The following NHLRC2 variants were observed in gnomAD, a reference collection of about 807,000 sequenced individuals.
The protein encoded by NHLRC2 is NHL repeat containing 2.
Under a neutral mutation model 68.1 loss-of-function variants are expected in NHLRC2, and 33 were observed. That is an observed-to-expected ratio of 0.48 (90% confidence interval 0.37 to 0.65). NHLRC2 has a LOEUF of 0.65. Ranked by LOEUF, NHLRC2 falls within the 30% of genes least tolerant of loss-of-function variation. The pLI, the probability that NHLRC2 is intolerant of heterozygous loss-of-function variation, is 0.00. For synonymous variants in NHLRC2, 311 were observed against 309.6 expected (o/e 1.00, Z -0.05); for missense variants, 761 against 853.8 (o/e 0.89, Z 1.35).
intron 5 of NHLRC2, among the ~76,000 whole-genome samples, chr10:113,893,382 T>G (rs1461471117): frequency 6.6e-6 from 1 of 152,220 alleles, no homozygotes; most frequent in Non-Finnish European, 1.5e-5. Flanking sequence ...TTTCCAAGTT[T>G]AGCTGGGTGA....
chr10:113,902,286 G>T (rs886863575), intron 7 of NHLRC2, among the ~76,000 whole-genome samples, 185 bp from the exon 8 acceptor site: 1 of 152,222 alleles, frequency 6.6e-6, no homozygotes, highest in Middle Eastern at 3.4e-3. Context: ...ATTAATACAG[G>T]TTCAAAATAC....
intron 2 of NHLRC2, among the ~76,000 whole-genome samples, chr10:113,860,915 G>A (rs1267620676): frequency 2.0e-5 from 3 of 152,236 alleles, no homozygotes; most frequent in East Asian, 3.9e-4. Context: ...ATGATGATTC[G>A]ACTTAAAATA....
intron 1 of NHLRC2, among the ~76,000 whole-genome samples, chr10:113,855,354 T>A (rs1178409092): frequency 6.6e-6 from 1 of 152,242 alleles, no homozygotes; most frequent in East Asian, 1.9e-4. Context: ...GTGGCAATGA[T>A]TGCAACGTCC....
chr10:113,877,927 AGTGTC>A, intron 3 of NHLRC2, among the ~76,000 whole-genome samples: 1 of 152,292 alleles, frequency 6.6e-6, no homozygotes, highest in Non-Finnish European at 1.5e-5. Flanking sequence ...TTACTCAAAA[AGTGTC>A]TTTTGTAGCA....
At chr10:113,903,449 G>T in intron 8 of NHLRC2, 78 bp from the exon 9 acceptor site, 2 of 842,324 alleles carry the variant, frequency 2.4e-6, no homozygotes, top group Non-Finnish European at 4.0e-6. Flanking sequence ...AAATTAGCTT[G>T]CTTGATACCA....
At chr10:113,907,937 T>G (rs1018894041) in intron 10 of NHLRC2, among the ~76,000 whole-genome samples, 1 of 152,202 alleles carries the variant, frequency 6.6e-6, no homozygotes, top group Non-Finnish European at 1.5e-5. Flanking sequence ...GTATGTTTAT[T>G]TCTAAAATTT....
Position 113,893,453 on chromosome 10 carries a change from A to G in NHLRC2, c.1040-4657A>G, listed in dbSNP as rs76490834. Among the ~76,000 whole-genome samples, 419 of 152,316 alleles carry G rather than the reference A, an allele frequency of 2.8e-3. 3 individuals carry two copies. Among genetic ancestry groups the G allele is most frequent in the African/African-American group, 9.7e-3 (402 of 41,558 alleles). On this transcript the variant is annotated intron_variant, in intron 5 of 10. Coordinates refer to ENST00000369301, the MANE Select transcript of NHLRC2 (RefSeq NM_198514.4). Reference sequence around the variant, plus strand: ...TTTTTATAAAATGAAGATGATGATAATAAGACTTGTTAAGGTTGTTAAATT... The same window carrying G: ...TTTTTATAAAATGAAGATGATGATAGTAAGACTTGTTAAGGTTGTTAAATT...
chr10:113,877,400 A>C (rs1330832419), intron 3 of NHLRC2, among the ~76,000 whole-genome samples: 1 of 152,144 alleles, frequency 6.6e-6, no homozygotes. Context: ...CATGAACTTG[A>C]GATGTAGTTT....
At chr10:113,861,775 T>C (rs1845818421) in intron 2 of NHLRC2, among the ~76,000 whole-genome samples, 1 of 152,232 alleles carries the variant, frequency 6.6e-6, no homozygotes, top group Non-Finnish European at 1.5e-5. Context: ...GTAACATTGG[T>C]ATTTAACTCC....
chr10:113,900,383 G>A (rs1189443236), intron 6 of NHLRC2, among the ~76,000 whole-genome samples: 1 of 152,148 alleles, frequency 6.6e-6, no homozygotes, highest in Non-Finnish European at 1.5e-5. Flanking sequence ...AACAGAAGTT[G>A]CCAGAATATG....
At chr10:113,856,932 C>T (rs114902047) in intron 1 of NHLRC2, among the ~76,000 whole-genome samples, 1 of 152,126 alleles carries the variant, frequency 6.6e-6, no homozygotes, top group Non-Finnish European at 1.5e-5. Context: ...TCACAGAGAC[C>T]TGGAATTAGA....
rs1424285171 is a variant in NHLRC2 at position 113,883,741 on chromosome 10, T to C, written c.910-510T>C. On this transcript the variant is annotated intron_variant, in intron 4 of 10. Transcript: ENST00000369301. ...ACTAACTGTGGGACATTGAAAAAGT[T>C]ACTTAATGATCTGTGTTTTAGTTTT... is the stretch of plus-strand genomic sequence containing the variant. Among the ~76,000 whole-genome samples the C allele has an allele frequency of 5.3e-5, 8 of 152,098 alleles. No individual in the cohort carries two copies. The East Asian group carries it at 1.5e-3, about 29-fold the overall frequency.
At chr10:113,865,289 C>CCA (rs1845855824) in intron 2 of NHLRC2, among the ~76,000 whole-genome samples, 1 of 139,846 alleles carries the variant, frequency 7.2e-6, no homozygotes, top group African/African-American at 2.6e-5. Flanking sequence ...CATCCCCCCC[C>CCA]CCCGTTCCTC....
At chr10:113,885,144 G>A (rs536200156) in intron 5 of NHLRC2, among the ~76,000 whole-genome samples, 2 of 151,912 alleles carry the variant, frequency 1.3e-5, no homozygotes, top group East Asian at 3.9e-4. Flanking sequence ...CAGCTTAGTT[G>A]AAAAGCTTTA....
In NHLRC2 at chr10:113,854,694, T is replaced by C; in HGVS notation, c.-179T>C. 1.7e-6 allele frequency: 1 copy of C among 573,902 alleles called. No individual in the cohort carries two copies. The highest frequency in any genetic ancestry group is 3.0e-6 in the Non-Finnish European group (1 of 329,110). The allele number at this position is 573,902 out of a possible 1,614,324, so 35.6% of individuals were successfully genotyped here. A position where few individuals can be genotyped will look rare whatever the true frequency, so the allele number is the denominator to read the frequency against. On this transcript the variant is annotated 5_prime_UTR_variant, in exon 1 of 11. Coordinates refer to ENST00000369301, the MANE Select transcript of NHLRC2 (RefSeq NM_198514.4). ...TACGTCCCCGGGAACTGCGCCGATT[T>C]GGACTTTTGGCACTTGGACCTATGC...
At chr10:113,892,344 G>A (rs1001944527) in intron 5 of NHLRC2, among the ~76,000 whole-genome samples, 2 of 151,934 alleles carry the variant, frequency 1.3e-5, no homozygotes, top group South Asian at 2.1e-4. Context: ...TGTCATTGTC[G>A]TTTTAAAAAA....
intron 5 of NHLRC2, among the ~76,000 whole-genome samples, chr10:113,886,868 C>T (rs776128049): frequency 1.2e-4 from 19 of 152,184 alleles, no homozygotes; most frequent in Non-Finnish European, 1.9e-4. Context: ...AAAAATAGAC[C>T]AGTGGGATTG....
At chr10:113,893,477 T>C (rs1454716175) in intron 5 of NHLRC2, among the ~76,000 whole-genome samples, 2 of 152,176 alleles carry the variant, frequency 1.3e-5, no homozygotes, top group Non-Finnish European at 2.9e-5. Context: ...GGTTGTTAAA[T>C]TGAAGGAAAT....
chr10:113,889,669 A>T (rs1436270152), intron 5 of NHLRC2, among the ~76,000 whole-genome samples: 1 of 152,150 alleles, frequency 6.6e-6, no homozygotes, highest in East Asian at 1.9e-4. Flanking sequence ...CTTTTACCAC[A>T]GTCAAGATAC....
Sources: allele counts gnomAD v4.1 joint callset (sites outside exome capture counted in the v4.1 genomes callset), GRCh38; gene constraint gnomAD v4.1.1; transcripts MANE v1.5; gene names NCBI Gene and HGNC (gene_info 2026-07-23, HGNC 2026-07-21).